Variants in COL4A1 observed in about 807,000 individuals in gnomAD.
COL4A1 encodes the protein collagen alpha-1(IV) chain.
A neutral mutation model predicts 216.6 loss-of-function variants in COL4A1; 40 were observed. The observed-to-expected ratio is 0.18, with a 90% CI of 0.14 to 0.24. The LOEUF is 0.24. Ranked by LOEUF, COL4A1 falls within the 10% of genes least tolerant of loss-of-function variation. COL4A1 has a pLI of 1.00. For synonymous variants in COL4A1, 839 were observed against 810.7 expected, an observed-to-expected ratio of 1.03 and a Z score of -0.59; for missense variants, 1,628 against 2,196.8, an observed-to-expected ratio of 0.74 and a Z score of 5.18.
chr13:110,229,829 A>G (rs2139229782), intron 2 of COL4A1, among the ~76,000 whole-genome samples: 1 of 152,268 alleles, frequency 6.6e-6, no homozygotes, highest in East Asian at 1.9e-4. Flanking sequence ...TCCTGGGGAG[A>G]CTAAGAGGAA....
rs11619322 is a variant in COL4A1 at position 110,219,761 on chromosome 13, C to T, written c.145-5746G>A. 7.4e-3 allele frequency among the ~76,000 whole-genome samples: 770 copies of T among 104,384 alleles called. 16 individuals are homozygous for T. Among genetic ancestry groups the T allele is most frequent in the African/African-American group, 0.024 (697 of 29,126 alleles). The allele number at this position is 104,384 out of a possible 152,430, so 68.5% of individuals were successfully genotyped here. On this transcript the variant is annotated intron_variant, in intron 2 of 51. Coordinates refer to ENST00000375820, the MANE Select transcript of COL4A1 (RefSeq NM_001845.6). The stretch of plus-strand genomic sequence containing the variant: ...ATGTATATACATATGTGTATATATG[C>T]GTATATATGTATATATATGCGTATA...
At chr13:110,219,060 A>AG (rs1880242994) in intron 2 of COL4A1, among the ~76,000 whole-genome samples, 1 of 152,138 alleles carries the variant, frequency 6.6e-6, no homozygotes, top group Admixed American at 6.5e-5. Context: ...CCGCTGGGAA[A>AG]GGGGTGGGAA....
rs139859950 is a variant in COL4A1, at chr13:110,177,889, G to A, written c.2669C>T (p.Pro890Leu). The stretch of plus-strand genomic sequence containing the variant: ...AGCACCCACTGGTCCTGGTGAGCCC[G>A]GCTGCCCGGGGGTCCCCATGACGCC... The part of the protein sequence containing the change: ...EMGVMGTPGQ[P>L]GSPGPVGAPG... The change falls in exon 33 of 52, where the codon CCG (proline) becomes CTG (leucine). Residue 890 changes from proline to leucine, a missense_variant. This residue lies in a region of COL4A1 where 701 missense variants were observed against 892.5 expected (regional missense o/e 0.79). Transcript: ENST00000375820. 9.8e-5 allele frequency: 158 copies of A among 1,614,110 alleles called. 1 individual carries two copies. The Admixed American group carries it at 1.1e-3, about 11-fold the overall frequency.
chr13:110,279,387 G>A (rs1883539764), intron 1 of COL4A1, among the ~76,000 whole-genome samples: 1 of 152,184 alleles, frequency 6.6e-6, no homozygotes, highest in Admixed American at 6.5e-5. Context: ...CTGAGCTCAT[G>A]TACATAATGC....
chr13:110,228,939 T>C (rs1280688427), intron 2 of COL4A1, among the ~76,000 whole-genome samples: 4 of 152,190 alleles, frequency 2.6e-5, no homozygotes, highest in African/African-American at 9.7e-5. Flanking sequence ...CCAGCTATGA[T>C]TGCTTCAACT....
chr13:110,175,240 A>G lies in COL4A1; in HGVS notation c.3176T>C (p.Ile1059Thr). The G allele has an allele frequency of 6.2e-7, 1 of 1,614,156 alleles. No homozygotes were observed. The highest frequency in any genetic ancestry group is 8.5e-7 in the Non-Finnish European group (1 of 1,180,020). ...KGQAGPPGIGIPGLRGEKGDQ... is the reference protein window; with the variant it reads ...KGQAGPPGIGTPGLRGEKGDQ... ...TACCTTTTCACCTCGCAGCCCTGGG[A>G]TGCCTATGCCAGGTGGGCCTGCCTG... is the stretch of plus-strand genomic sequence containing the variant. Residue 1059 changes from isoleucine to threonine, a missense_variant, in exon 37 of 52, where the codon ATC becomes ACC. Physicochemically the swap from Ile to Thr is moderately conservative, Grantham distance 89. Coordinates refer to ENST00000375820, the MANE Select transcript of COL4A1 (RefSeq NM_001845.6).
At chr13:110,206,997 T>C in intron 13 of COL4A1, 106 bp from the exon 14 acceptor site, 2 of 1,178,686 alleles carry the variant, frequency 1.7e-6, no homozygotes, top group East Asian at 2.4e-5. Context: ...TTCTGATATA[T>C]TAACAAAGAA....
intron 2 of COL4A1, among the ~76,000 whole-genome samples, chr13:110,234,679 ATT>A (rs1881225523): frequency 6.6e-6 from 1 of 152,222 alleles, no homozygotes; most frequent in African/African-American, 2.4e-5. Context: ...ACACTATCTT[ATT>A]ACAGGCTCTG....
Position 110,211,065 on chromosome 13 carries a change from G to A in COL4A1, c.468+582C>T, listed in dbSNP as rs564834579. Among the ~76,000 whole-genome samples, 14 of 152,252 alleles carry A rather than the reference G, an allele frequency of 9.2e-5. No homozygotes were observed. Among genetic ancestry groups the A allele is most frequent in the South Asian group, 4.2e-4 (2 of 4,814 alleles). On this transcript the variant is annotated intron_variant, in intron 8 of 51. Coordinates refer to ENST00000375820, the MANE Select transcript of COL4A1 (RefSeq NM_001845.6). The surrounding 1 kb of genome is among the most constrained non-coding windows in gnomAD (Gnocchi z 4.3). ...GCTATTATGAGGATCTATTTCCTACGTGTTCTGAATCACAGGAGCGAGCAC... is the reference window on the plus strand; with the variant it reads ...GCTATTATGAGGATCTATTTCCTACATGTTCTGAATCACAGGAGCGAGCAC...
In COL4A1 at chr13:110,212,725, A is replaced by AAC. The variant is rs1364751323; in HGVS notation, c.280-109_280-108dup. 1.2e-5 allele frequency: 16 copies of AAC among 1,303,592 alleles called. No homozygotes were observed. The East Asian group carries it at 3.7e-4, about 30-fold the overall frequency. 80.8% of individuals were successfully genotyped at this position (1,303,592 alleles called of 1,614,324 possible). A position where few individuals can be genotyped will look rare whatever the true frequency, so the allele number is the denominator to read the frequency against. On this transcript the variant is annotated intron_variant, in intron 4 of 51. Coordinates refer to ENST00000375820, the MANE Select transcript of COL4A1 (RefSeq NM_001845.6). ...GTCATGCCCTCATTTTTGGTGTCAGAACACACACAAAGCAGACAGAGCACT... is the reference window on the plus strand; with the variant it reads ...GTCATGCCCTCATTTTTGGTGTCAGAACACACACACAAAGCAGACAGAGCACT...
intron 1 of COL4A1, among the ~76,000 whole-genome samples, chr13:110,275,886 G>C (rs1165106807): frequency 6.6e-6 from 1 of 152,198 alleles, no homozygotes; most frequent in Non-Finnish European, 1.5e-5. Context: ...AGGATCCATA[G>C]TTTGCCAGGG....
At chr13:110,170,477 C>T in intron 42 of COL4A1, 70 bp downstream of exon 42, 1 of 1,487,794 alleles carries the variant, frequency 6.7e-7, no homozygotes, top group Non-Finnish European at 9.1e-7. Context: ...TTAACTATTT[C>T]TTTTACGCTA....
intron 14 of COL4A1, 59 bp from the exon 15 acceptor site, chr13:110,206,774 GATAGAT>G (rs1010489347): frequency 6.2e-7 from 1 of 1,606,990 alleles, no homozygotes; most frequent in African/African-American, 1.3e-5. Context: ...ATTTAAATTA[GATAGAT>G]ATTAAACTTA....
In COL4A1 at chr13:110,219,688, A is replaced by ATGTATATATATATGTATATATATG. The variant is rs1880296953; in HGVS notation, c.145-5674_145-5673insCATATATATACATATATATATACA. 2.6e-4 allele frequency among the ~76,000 whole-genome samples: 30 copies of ATGTATATATATATGTATATATATG among 114,038 alleles called. No individual in the cohort carries two copies. The South Asian group carries it at 7.2e-3, about 27-fold the overall frequency. The allele number at this position is 114,038 out of a possible 152,430, so 74.8% of individuals were successfully genotyped here. On this transcript the variant is annotated intron_variant, in intron 2 of 51. Coordinates refer to ENST00000375820, the MANE Select transcript of COL4A1 (RefSeq NM_001845.6). ...TATATATATATATATGTGTATATAT[A>ATGTATATATATATGTATATATATG]TGTATATATATGTATATACATATGT... is the stretch of plus-strand genomic sequence containing the variant.
In COL4A1 at chr13:110,203,698, A is replaced by T. The variant is rs1351257433; in HGVS notation, c.958-91T>A. The T allele has an allele frequency of 3.0e-6, 4 of 1,345,896 alleles. No individual in the cohort carries two copies. The Admixed American group carries it at 5.0e-5, about 17-fold the overall frequency. The allele number at this position is 1,345,896 out of a possible 1,614,324, so 83.4% of individuals were successfully genotyped here. ...TTAAACATTTCTTCTGGTAAAATAG[A>T]GTGTGCCTACAGTAAATTAAAACTA... On this transcript the variant is annotated intron_variant, in intron 17 of 51. Coordinates refer to ENST00000375820, the MANE Select transcript of COL4A1 (RefSeq NM_001845.6).
At chr13:110,174,139 CTT>C in intron 39 of COL4A1, 141 bp from the exon 40 acceptor site, 1 of 975,892 alleles carries the variant, frequency 1.0e-6, no homozygotes, top group Non-Finnish European at 1.6e-6. Context: ...TCAGTTCTGA[CTT>C]CCCTTCAGAA....
At chr13:110,214,084 C>G (rs1374968514) in intron 2 of COL4A1, 69 bp from the exon 3 acceptor site, 7 of 1,195,692 alleles carry the variant, frequency 5.9e-6, no homozygotes, top group East Asian at 2.3e-5. Flanking sequence ...TGGTGACCAA[C>G]TGTGATGGCT....
chr13:110,171,143 T>C (rs570535532), intron 41 of COL4A1, among the ~76,000 whole-genome samples: 10 of 152,344 alleles, frequency 6.6e-5, no homozygotes, highest in Admixed American at 3.9e-4. Context: ...TACTCAGCCA[T>C]AGAAAGAAGT....
intron 21 of COL4A1, among the ~76,000 whole-genome samples, chr13:110,196,929 C>T (rs1317699092): frequency 3.3e-5 from 5 of 152,108 alleles, no homozygotes; most frequent in African/African-American, 4.8e-5. Flanking sequence ...TAAATTATTA[C>T]TCGATACTCT....
Sources: gnomAD v4.1 joint callset for allele counts (sites outside exome capture counted in the v4.1 genomes callset) on GRCh38, gnomAD v4.1.1 for gene constraint, gnomAD v4.1.1 regional missense constraint, Gnocchi (gnomAD v3.1) non-coding constraint, MANE v1.5 for transcripts, NCBI Gene and HGNC (gene_info 2026-07-23, HGNC 2026-07-21) for gene names.